The following CFAP299 variants were observed in gnomAD, a reference collection of about 807,000 sequenced individuals.
The protein encoded by CFAP299 is cilia- and flagella-associated protein 299.
In CFAP299, 21 loss-of-function variants were observed where a neutral mutation model predicts 27.0. The observed-to-expected ratio is 0.78, with a 90% CI of 0.55 to 1.12. CFAP299 has a LOEUF of 1.12. Ranked by LOEUF, CFAP299 falls within the 50% of genes most tolerant of loss-of-function variation. CFAP299 has a pLI of 0.00. For synonymous variants in CFAP299, 104 were observed against 98.1 expected (o/e 1.06, Z -0.36); for missense variants, 310 against 276.6 (o/e 1.12, Z -0.86).
chr4:80,780,435 ACAG>A (rs1263868769), intron 3 of CFAP299, among the ~76,000 whole-genome samples: 1 of 152,140 alleles, frequency 6.6e-6, no homozygotes, highest in African/African-American at 2.4e-5. Context: ...AGCAATTAGC[ACAG>A]CATATTAAAG....
chr4:80,768,375 A>T (rs1372278549), intron 3 of CFAP299, among the ~76,000 whole-genome samples: 1 of 152,222 alleles, frequency 6.6e-6, no homozygotes, highest in Non-Finnish European at 1.5e-5. Flanking sequence ...CCAGGAAAAA[A>T]AATCAGTGGG....
rs531238641 is a variant in CFAP299, at chr4:80,416,294, A to T, written c.242+53410A>T. Among the ~76,000 whole-genome samples, 5 of 152,362 alleles carry T rather than the reference A, an allele frequency of 3.3e-5. No individual in the cohort carries two copies. In the South Asian group the frequency reaches 1.0e-3, roughly 32 times the overall value. ...TTTGTTATGTAACAAACATGTTACG[A>T]ATTCATGTCCTGATCATAATTTACC... On this transcript the variant is annotated intron_variant, in intron 2 of 5. Transcript: ENST00000358105.
chr4:80,958,901 C>G (rs1340069228), intron 5 of CFAP299, among the ~76,000 whole-genome samples: 12 of 152,112 alleles, frequency 7.9e-5, no homozygotes, highest in Admixed American at 3.9e-4. Context: ...GACATAAATT[C>G]TGGATTATAA....
At chr4:80,764,221 T>C (rs1725714094) in intron 3 of CFAP299, among the ~76,000 whole-genome samples, 1 of 151,882 alleles carries the variant, frequency 6.6e-6, no homozygotes, top group African/African-American at 2.4e-5. Context: ...AGGGCTAATA[T>C]CCAGAGTCTA....
At chr4:80,782,607 T>C (rs867502395) in intron 3 of CFAP299, among the ~76,000 whole-genome samples, 34 of 127,190 alleles carry the variant, frequency 2.7e-4, no homozygotes, top group Middle Eastern at 3.9e-3. Context: ...ATAATATACA[T>C]ATATTAATAT....
At chr4:80,798,355 A>T (rs537647152) in intron 3 of CFAP299, among the ~76,000 whole-genome samples, 1 of 152,094 alleles carries the variant, frequency 6.6e-6, no homozygotes, top group East Asian at 1.9e-4. Flanking sequence ...CAGGAAGGGG[A>T]TATTGCCACT....
intron 2 of CFAP299, among the ~76,000 whole-genome samples, chr4:80,391,227 G>GT (rs1725464432): frequency 6.6e-6 from 1 of 151,956 alleles, no homozygotes; most frequent in South Asian, 2.1e-4. Flanking sequence ...TCATTTCCTT[G>GT]TATACTCAGA....
intron 4 of CFAP299, among the ~76,000 whole-genome samples, chr4:80,921,851 TG>T (rs1311821090): frequency 1.3e-5 from 2 of 151,898 alleles, no homozygotes; most frequent in Non-Finnish European, 2.9e-5. Flanking sequence ...GAAATATTTA[TG>T]GAGGGAATCT....
At chr4:80,846,005 T>G (rs1373262517) in intron 3 of CFAP299, among the ~76,000 whole-genome samples, 2 of 152,164 alleles carry the variant, frequency 1.3e-5, no homozygotes, top group Non-Finnish European at 2.9e-5. Flanking sequence ...CACTTATGTA[T>G]TTTGTCAATA....
chr4:80,743,665 T>C (rs930630588), intron 3 of CFAP299, among the ~76,000 whole-genome samples: 1 of 152,190 alleles, frequency 6.6e-6, no homozygotes, highest in Non-Finnish European at 1.5e-5. Flanking sequence ...ATTTGCCACA[T>C]GTCAGAAGCC....
At chr4:80,411,154 A>G (rs1448382387) in intron 2 of CFAP299, among the ~76,000 whole-genome samples, 1 of 152,196 alleles carries the variant, frequency 6.6e-6, no homozygotes, top group African/African-American at 2.4e-5. Flanking sequence ...GGCCTCTTGA[A>G]TAATAAAAGG....
At chr4:80,373,122 A>G (rs1408415206) in intron 2 of CFAP299, among the ~76,000 whole-genome samples, 1 of 152,020 alleles carries the variant, frequency 6.6e-6, no homozygotes. Context: ...GGCTGCATAG[A>G]CACAGTGGAC....
chr4:80,864,456 A>ATAT (rs1383782212), intron 3 of CFAP299, among the ~76,000 whole-genome samples: 1 of 145,158 alleles, frequency 6.9e-6, no homozygotes, highest in Non-Finnish European at 1.5e-5. Flanking sequence ...ATACCTATAT[A>ATAT]AGTATATATA....
chr4:80,958,891 G>T (rs1236334312), intron 5 of CFAP299, among the ~76,000 whole-genome samples: 1 of 152,084 alleles, frequency 6.6e-6, no homozygotes, highest in Admixed American at 6.6e-5. Context: ...CTTTGTTGAA[G>T]ACATAAATTC....
chr4:80,359,542 TG>T (rs1723440752), intron 1 of CFAP299, among the ~76,000 whole-genome samples: 1 of 152,182 alleles, frequency 6.6e-6, no homozygotes, highest in Non-Finnish European at 1.5e-5. Context: ...TCTCTATTCT[TG>T]TCTGACTGTC....
intron 2 of CFAP299, among the ~76,000 whole-genome samples, chr4:80,439,626 G>C (rs1317250909): frequency 6.6e-6 from 1 of 152,176 alleles, no homozygotes; most frequent in Non-Finnish European, 1.5e-5. Flanking sequence ...GGCTGTTTGG[G>C]CAGACACCAA....
chr4:80,871,069 G>A (rs902931189), intron 4 of CFAP299: 2 of 447,770 alleles, frequency 4.5e-6, no homozygotes, highest in Non-Finnish European at 5.9e-6. Flanking sequence ...ACCACGTCTG[G>A]ATACTTTTTG....
chr4:80,749,703 C>T (rs959267822), intron 3 of CFAP299, among the ~76,000 whole-genome samples: 5 of 152,170 alleles, frequency 3.3e-5, no homozygotes, highest in African/African-American at 1.2e-4. Flanking sequence ...GCATCCAGCA[C>T]GGGAGAAAGA....
At chr4:80,619,352 A>G (rs995856303) in intron 3 of CFAP299, among the ~76,000 whole-genome samples, 3 of 152,120 alleles carry the variant, frequency 2.0e-5, no homozygotes, top group Non-Finnish European at 2.9e-5. Context: ...TTGACATTCT[A>G]TTTCCTTCTT....
Sources: gnomAD v4.1 joint callset for allele counts (sites outside exome capture counted in the v4.1 genomes callset) on GRCh38, gnomAD v4.1.1 for gene constraint, MANE v1.5 for transcripts, NCBI Gene and HGNC (gene_info 2026-07-23, HGNC 2026-07-21) for gene names.